Variants in CXXC4 observed in about 807,000 individuals in gnomAD.
The protein encoded by CXXC4 is CXXC-type zinc finger protein 4.
A neutral mutation model predicts 20.5 loss-of-function variants in CXXC4; 5 were observed. The ratio of observed to expected loss-of-function variants is 0.24; its 90% CI spans 0.13 to 0.51. The LOEUF is 0.51. Ranked by LOEUF, CXXC4 falls within the 20% of genes least tolerant of loss-of-function variation. The pLI is 0.97. For missense variants in CXXC4, 419 were observed against 496.4 expected (o/e 0.84, Z 1.48); for synonymous variants, 250 against 216.4 (o/e 1.16, Z -1.36).
intron 2 of CXXC4, among the ~76,000 whole-genome samples, chr4:104,490,086 TCTC>T (rs1299112005): frequency 8.5e-5 from 13 of 152,340 alleles, no homozygotes; most frequent in African/African-American, 3.1e-4. Flanking sequence ...CTAAGTCACA[TCTC>T]CTCAAAATTT....
At position 104,473,193 on chromosome 4, in the gene CXXC4, C is replaced by T. The variant is rs555372883; in HGVS notation, c.1060-827G>A. Among the ~76,000 whole-genome samples the T allele has an allele frequency of 1.1e-4, 17 of 151,890 alleles. No individual in the cohort carries two copies. The East Asian group carries it at 2.7e-3, about 24-fold the overall frequency. On this transcript the variant is annotated intron_variant, in intron 2 of 2. Coordinates refer to ENST00000394767, the MANE Select transcript of CXXC4 (RefSeq NM_025212.4). The stretch of plus-strand genomic sequence containing the variant: ...GCAACACTTATCATTAAATTCTAAA[C>T]ACATTTTATAGTCTAGTGAGAACCA...
In CXXC4 at chr4:104,468,932, T is replaced by TC. The variant is rs1736191124; in HGVS notation, c.*3389dup. The TC allele has an allele frequency of 2.0e-5, 3 of 152,102 alleles. No individual in the cohort carries two copies. Among genetic ancestry groups the TC allele is most frequent in the Non-Finnish European group, 4.4e-5 (3 of 67,992 alleles). The allele number at this position is 152,102 out of a possible 1,614,324, so 9.4% of individuals were successfully genotyped here. A position where few individuals can be genotyped will look rare whatever the true frequency, so the allele number is the denominator to read the frequency against. On this transcript the variant is annotated 3_prime_UTR_variant, in exon 3 of 3. Coordinates refer to ENST00000394767, the MANE Select transcript of CXXC4 (RefSeq NM_025212.4). ...ATTGCACAACTTACATATCAGGGTT[T>TC]CTGATTGAAAGGAAGAGAATATTCC...
Position 104,472,297 on chromosome 4 carries a change from C to A in CXXC4, c.*25G>T. ...TAGTTTGCCCTTCATTTCCAAATGC[C>A]TTGAAAATAAGATATACTACTGCTT... On this transcript the variant is annotated 3_prime_UTR_variant, in exon 3 of 3. Transcript: ENST00000394767. 1 of 1,542,592 alleles carries A rather than the reference C, an allele frequency of 6.5e-7. No homozygotes were observed. The highest frequency in any genetic ancestry group is 8.9e-7 in the Non-Finnish European group (1 of 1,129,346).
At chr4:104,490,193 T>G (rs1035766774) in intron 2 of CXXC4, among the ~76,000 whole-genome samples, 1 of 152,054 alleles carries the variant, frequency 6.6e-6, no homozygotes, top group Non-Finnish European at 1.5e-5. Context: ...CCTTGATGAG[T>G]AGAAAAATGA....
chr4:104,490,477 A>G (rs543462979), intron 2 of CXXC4, among the ~76,000 whole-genome samples: 1 of 152,288 alleles, frequency 6.6e-6, no homozygotes, highest in Non-Finnish European at 1.5e-5. Context: ...TGAATGTGAA[A>G]CTTCTGATTC....
chr4:104,482,841 T>G (rs187764499), intron 2 of CXXC4, among the ~76,000 whole-genome samples: 1 of 152,204 alleles, frequency 6.6e-6, no homozygotes, highest in East Asian at 1.9e-4. Flanking sequence ...TCCTACTTGA[T>G]CCCTATCATT....
In CXXC4 at chr4:104,491,146, G is replaced by A; in HGVS notation, c.657C>T (p.Cys219=). Residue 219 remains cysteine, a synonymous_variant, in exon 2 of 3, where the codon TGC becomes TGT. Coordinates refer to ENST00000394767, the MANE Select transcript of CXXC4 (RefSeq NM_025212.4). Reference sequence around the variant, plus strand: ...TCATTATCTCTGCTTCAGCAGCGCCGCATTTGAGCTTGTTCATGCATTCCC... The same window carrying A: ...TCATTATCTCTGCTTCAGCAGCGCCACATTTGAGCTTGTTCATGCATTCCC... ...LAGECMNKLK[C]GAAEAEIMNL... 1 of 1,614,046 alleles carries A rather than the reference G, an allele frequency of 6.2e-7. No individual in the cohort carries two copies. Among genetic ancestry groups the A allele is most frequent in the South Asian group, 1.1e-5 (1 of 91,078 alleles).
intron 1 of CXXC4, among the ~76,000 whole-genome samples, chr4:104,492,603 A>G (rs775614183): frequency 2.0e-5 from 3 of 152,314 alleles, no homozygotes; most frequent in South Asian, 2.1e-4. Context: ...ACACAATACA[A>G]CTGAGAGCTA....
chr4:104,480,844 TC>T (rs370834375), intron 2 of CXXC4, among the ~76,000 whole-genome samples: 1,996 of 151,284 alleles, frequency 0.013, 24 homozygotes, highest in Middle Eastern at 0.051. Flanking sequence ...CTTGCCTTTA[TC>T]TTCCCTCCCT....
Position 104,491,493 on chromosome 4 carries a change from G to A in CXXC4, c.310C>T (p.Leu104Phe), listed in dbSNP as rs1736874320. Residue 104 changes from leucine (L) to phenylalanine (F), a missense_variant, in exon 2 of 3, where the codon CTC (leucine) becomes TTC (phenylalanine). Leu to Phe is a conservative substitution (Grantham distance 22). Coordinates refer to ENST00000394767, the MANE Select transcript of CXXC4 (RefSeq NM_025212.4). ...AATAAAATAMLWGSGGGGGGG... is the reference protein window; with the variant it reads ...AATAAAATAMFWGSGGGGGGG... ...CCCCCGCCCCCGCCGCTGCCCCAGA[G>A]CATGGCGGTGGCGGCGGCGGCGGTG... The A allele has an allele frequency of 1.5e-5, 17 of 1,124,560 alleles. No homozygotes were observed. Among genetic ancestry groups the A allele is most frequent in the Non-Finnish European group, 2.0e-5 (17 of 861,254 alleles). The allele number at this position is 1,124,560 out of a possible 1,614,324, so 69.7% of individuals were successfully genotyped here. A position where few individuals can be genotyped will look rare whatever the true frequency, so the allele number is the denominator to read the frequency against.
chr4:104,490,672 G>A, intron 2 of CXXC4, 72 bp downstream of exon 2: 1 of 1,327,322 alleles, frequency 7.5e-7, no homozygotes, highest in Non-Finnish European at 1.0e-6. Context: ...AGCCAGACAA[G>A]AATCCCTGAA....
Position 104,491,542 on chromosome 4 carries a change from G to C in CXXC4, c.261C>G (p.Ser87=), listed in dbSNP as rs1736877494. The C allele has an allele frequency of 6.7e-7, 1 of 1,483,416 alleles. No homozygotes were observed. The highest frequency in any genetic ancestry group is 1.5e-5 in the African/African-American group (1 of 68,700). 91.9% of individuals were successfully genotyped at this position (1,483,416 alleles called of 1,614,324 possible). Reference sequence around the variant, plus strand: ...TGGCCGCGTTGTCGCAGTTCCAGGGGGACATGCCGATGCGCGCGGCGGCCG... The same window carrying C: ...TGGCCGCGTTGTCGCAGTTCCAGGGCGACATGCCGATGCGCGCGGCGGCCG... ...AAAAAARIGM[S]PWNCDNAATA... Residue 87 remains serine (S), a synonymous_variant, in exon 2 of 3, where the codon TCC becomes TCG. Transcript: ENST00000394767.
At chr4:104,486,513 T>C (rs1407615479) in intron 2 of CXXC4, among the ~76,000 whole-genome samples, 1 of 152,096 alleles carries the variant, frequency 6.6e-6, no homozygotes, top group Non-Finnish European at 1.5e-5. Flanking sequence ...TCATTTTGTT[T>C]AAATTTTATT....
At chr4:104,475,824 T>A (rs761475443) in intron 2 of CXXC4, among the ~76,000 whole-genome samples, 1 of 152,028 alleles carries the variant, frequency 6.6e-6, no homozygotes, top group East Asian at 1.9e-4. Flanking sequence ...AAAGCCAGAT[T>A]CCCCTGAAGA....
rs961468821 is a variant in CXXC4, at chr4:104,469,540, A to G, written c.*2782T>C. 6.6e-6 allele frequency: 1 copy of G among 152,088 alleles called. No individual in the cohort carries two copies. Among genetic ancestry groups the G allele is most frequent in the Non-Finnish European group, 1.5e-5 (1 of 67,978 alleles). The allele number at this position is 152,088 out of a possible 1,614,324, so 9.4% of individuals were successfully genotyped here. A position where few individuals can be genotyped will look rare whatever the true frequency, so the allele number is the denominator to read the frequency against. On this transcript the variant is annotated 3_prime_UTR_variant, in exon 3 of 3. Coordinates refer to ENST00000394767, the MANE Select transcript of CXXC4 (RefSeq NM_025212.4). ...TATTTAAAAGTTACATTTCATTGGT[A>G]TTTGAAAATCATGAAAAATGTAAAC...
rs1032606096 is a variant in CXXC4, at chr4:104,469,169, G to A, written c.*3153C>T. On this transcript the variant is annotated 3_prime_UTR_variant, in exon 3 of 3. Coordinates refer to ENST00000394767, the MANE Select transcript of CXXC4 (RefSeq NM_025212.4). ...ATCTGACTCCACTTGTAGACAGACA[G>A]GCAGAGTCCATCAGAAAGCCACTTT... 9 of 152,040 alleles carry A rather than the reference G, an allele frequency of 5.9e-5. No homozygotes were observed. The highest frequency in any genetic ancestry group is 3.3e-4 in the Admixed American group (5 of 15,214). The allele number at this position is 152,040 out of a possible 1,614,324, so 9.4% of individuals were successfully genotyped here.
chr4:104,491,770 C>T lies in CXXC4; in HGVS notation c.33G>A (p.Pro11=), dbSNP rs1341889061. Residue 11 remains proline (P), a synonymous_variant, in exon 2 of 3, where the codon CCG becomes CCA. Coordinates refer to ENST00000394767, the MANE Select transcript of CXXC4 (RefSeq NM_025212.4). MNTNVCVEPG[P]SPEAPGLPKE... is the part of the protein sequence containing the mutation. ...TGGGCAAGCCCGGGGCCTCCGGGCT[C>T]GGCCCGGGCTCCACGCAGACATTGG... 2.6e-6 allele frequency: 4 copies of T among 1,526,930 alleles called. No individual in the cohort carries two copies. Among genetic ancestry groups the T allele is most frequent in the East Asian group, 5.2e-5 (2 of 38,504 alleles). The allele number at this position is 1,526,930 out of a possible 1,614,324, so 94.6% of individuals were successfully genotyped here. A position where few individuals can be genotyped will look rare whatever the true frequency, so the allele number is the denominator to read the frequency against.
intron 2 of CXXC4, among the ~76,000 whole-genome samples, chr4:104,482,688 T>G (rs967634200): frequency 1.3e-5 from 2 of 152,158 alleles, no homozygotes; most frequent in Non-Finnish European, 2.9e-5. Context: ...TCTGTTCACT[T>G]AAAAATGTAT....
chr4:104,486,073 C>T (rs1036288341), intron 2 of CXXC4, among the ~76,000 whole-genome samples: 9 of 152,022 alleles, frequency 5.9e-5, no homozygotes, highest in Non-Finnish European at 2.9e-5. Context: ...GAATTTCAAA[C>T]ATTCTTATAG....
Sources: allele counts gnomAD v4.1 joint callset (sites outside exome capture counted in the v4.1 genomes callset), GRCh38; gene constraint gnomAD v4.1.1; transcripts MANE v1.5; gene names NCBI Gene and HGNC (gene_info 2026-07-23, HGNC 2026-07-21).